Variants in OCA2 observed in about 807,000 individuals in gnomAD.
OCA2 encodes the protein P protein.
A neutral mutation model predicts 100.2 loss-of-function variants in OCA2; 77 were observed. The ratio of observed to expected loss-of-function variants is 0.77; its 90% CI spans 0.64 to 0.93. OCA2 has a LOEUF of 0.93. Ranked by LOEUF, OCA2 falls within the 40% of genes least tolerant of loss-of-function variation. The probability of loss-of-function intolerance (pLI) is 0.00; values close to 1 mark genes in which losing one functional copy is unlikely to be tolerated. For missense variants in OCA2, 1,062 were observed against 1,089.1 expected (o/e 0.98, Z 0.35); for synonymous variants, 432 against 439.2 (o/e 0.98, Z 0.21).
chr15:27,870,313 C>T (rs1260533399), intron 21 of OCA2, among the ~76,000 whole-genome samples: 1 of 152,242 alleles, frequency 6.6e-6, no homozygotes, highest in Non-Finnish European at 1.5e-5. Context: ...GCTCACCAGG[C>T]TTCTGGCCTG....
intron 18 of OCA2, among the ~76,000 whole-genome samples, chr15:27,929,086 T>C (rs2703965): frequency 0.41 from 61,602 of 152,028 alleles, 12,583 homozygotes; most frequent in Middle Eastern, 0.52. Context: ...CTTCTTTCAT[T>C]TTTCCTAAGA....
intron 2 of OCA2, among the ~76,000 whole-genome samples, chr15:28,063,293 G>A (rs2043930082): frequency 1.3e-5 from 2 of 151,976 alleles, no homozygotes; most frequent in Admixed American, 1.3e-4. Context: ...CAGCCTATTT[G>A]GGGTTTTGAT....
chr15:27,752,354 T>C (rs948109454), downstream of OCA2, among the ~76,000 whole-genome samples: 1 of 152,220 alleles, frequency 6.6e-6, no homozygotes, highest in African/African-American at 2.4e-5. Context: ...TTTTCCATCA[T>C]AACGACACAG....
downstream of OCA2, among the ~76,000 whole-genome samples, chr15:27,750,824 C>T (rs2030041229): frequency 6.6e-6 from 1 of 152,204 alleles, no homozygotes; most frequent in Non-Finnish European, 1.5e-5. Context: ...GATCACAGAG[C>T]TCAAAGCAAT....
chr15:27,864,500 C>T (rs2036249019), intron 21 of OCA2, among the ~76,000 whole-genome samples: 1 of 152,124 alleles, frequency 6.6e-6, no homozygotes, highest in Non-Finnish European at 1.5e-5. Flanking sequence ...AAAGAGTGCT[C>T]TCCTGTGCCA....
chr15:27,949,414 G>A (rs1000764732), intron 18 of OCA2, among the ~76,000 whole-genome samples: 2 of 152,160 alleles, frequency 1.3e-5, no homozygotes, highest in Non-Finnish European at 2.9e-5. Flanking sequence ...TGTAATCCCC[G>A]CACTTTGGGA....
the OCA2 span, among the ~76,000 whole-genome samples, chr15:27,738,563 G>A: frequency 4.6e-5 from 7 of 152,218 alleles, no homozygotes; most frequent in South Asian, 1.5e-3. Context: ...GTGAAACCCC[G>A]TCTCTACTAA....
chr15:27,815,753 T>C (rs1324036544), intron 23 of OCA2, among the ~76,000 whole-genome samples: 1 of 152,234 alleles, frequency 6.6e-6, no homozygotes, highest in Non-Finnish European at 1.5e-5. Flanking sequence ...TCAGGCTTTA[T>C]TGTTAGGTCT....
chr15:28,066,099 C>A (rs2044014996), intron 2 of OCA2, among the ~76,000 whole-genome samples: 1 of 152,088 alleles, frequency 6.6e-6, no homozygotes, highest in Non-Finnish European at 1.5e-5. Context: ...GTACAAAAAT[C>A]AATTCTGTTT....
chr15:28,079,255 G>A (rs949058806), intron 2 of OCA2, among the ~76,000 whole-genome samples: 1 of 151,650 alleles, frequency 6.6e-6, no homozygotes, highest in Non-Finnish European at 1.5e-5. Flanking sequence ...TCCCACCTAT[G>A]GTAGATTCAA....
intron 9 of OCA2, among the ~76,000 whole-genome samples, chr15:28,007,451 C>T (rs2042120906): frequency 1.3e-5 from 2 of 152,296 alleles, no homozygotes; most frequent in South Asian, 4.1e-4. Flanking sequence ...CAAGGATGGG[C>T]CGGGCATGGT....
intron 9 of OCA2, among the ~76,000 whole-genome samples, chr15:27,997,084 G>GAGAAAGAAAGAA (rs767762161): frequency 4.6e-5 from 6 of 131,090 alleles, no homozygotes; most frequent in African/African-American, 8.6e-5. Context: ...GAGAAAGAGA[G>GAGAAAGAAAGAA]AGAAAGAAAG....
In OCA2 at chr15:27,871,842, C is replaced by G. The variant is rs1365049870; in HGVS notation, c.2139+21G>C. On this transcript the variant is annotated intron_variant, in intron 20 of 23. Transcript: ENST00000354638. ...CAAAGAACAGTGGCTGGAGTGCCTTCTATTATAGCATTTATTTTACCTTTA... is the reference window on the plus strand; with the variant it reads ...CAAAGAACAGTGGCTGGAGTGCCTTGTATTATAGCATTTATTTTACCTTTA... The G allele has an allele frequency of 2.0e-6, 3 of 1,502,598 alleles. No homozygotes were observed. The Admixed American group carries it at 5.0e-5, about 25-fold the overall frequency. The allele number at this position is 1,502,598 out of a possible 1,614,324, so 93.1% of individuals were successfully genotyped here.
intron 9 of OCA2, among the ~76,000 whole-genome samples, chr15:28,002,479 T>C (rs539153437): frequency 3.3e-5 from 5 of 152,292 alleles, no homozygotes; most frequent in African/African-American, 7.2e-5. Context: ...TCGGAGGCTG[T>C]GGCCACTGGT....
chr15:27,763,957 AAACCCC>A (rs556184845), intron 23 of OCA2, among the ~76,000 whole-genome samples: 140 of 152,202 alleles, frequency 9.2e-4, no homozygotes, highest in Non-Finnish European at 1.4e-3. Flanking sequence ...CCTCACTAAG[AAACCCC>A]TCAGGACACA....
rs1310034104 is a variant in OCA2 at position 28,001,906 on chromosome 15, G to A, written c.1045-11259C>T. On this transcript the variant is annotated intron_variant, in intron 9 of 23. Coordinates refer to ENST00000354638, the MANE Select transcript of OCA2 (RefSeq NM_000275.3). ...CTCTGCAGCATCGGCTCTGCCATTG[G>A]ATTCCAGCTAGGCGACCTGGAGCCT... Among the ~76,000 whole-genome samples the A allele has an allele frequency of 5.3e-5, 8 of 152,328 alleles. No individual in the cohort carries two copies. The East Asian group carries it at 1.5e-3, about 29-fold the overall frequency.
intron 3 of OCA2, among the ~76,000 whole-genome samples, chr15:28,028,784 C>G (rs1225214480): frequency 6.6e-6 from 1 of 152,160 alleles, no homozygotes; most frequent in Non-Finnish European, 1.5e-5. Flanking sequence ...CTCCCAGGTT[C>G]AAGCGATTCT....
chr15:27,756,005 G>A (rs2030334244), intron 23 of OCA2, among the ~76,000 whole-genome samples: 1 of 152,200 alleles, frequency 6.6e-6, no homozygotes, highest in African/African-American at 2.4e-5. Flanking sequence ...TGAGGTGTGA[G>A]ACGTGTGGAC....
At chr15:27,894,862 G>A (rs528869065) in intron 19 of OCA2, among the ~76,000 whole-genome samples, 21 of 152,162 alleles carry the variant, frequency 1.4e-4, no homozygotes, top group Non-Finnish European at 2.8e-4. Context: ...TCTTCAGCCT[G>A]CACCCTACCA....
Sources: allele counts gnomAD v4.1 joint callset (sites outside exome capture counted in the v4.1 genomes callset), GRCh38; gene constraint gnomAD v4.1.1; transcripts MANE v1.5; gene names NCBI Gene and HGNC (gene_info 2026-07-23, HGNC 2026-07-21).